Variants in PSIP1 observed in about 807,000 individuals in gnomAD.
The protein encoded by PSIP1 is PC4 and SFRS1-interacting protein.
Under a neutral mutation model 74.7 loss-of-function variants are expected in PSIP1, and 19 were observed. The ratio of observed to expected loss-of-function variants is 0.25; its 90% CI spans 0.18 to 0.37. The LOEUF (loss-of-function observed/expected upper bound fraction) is 0.37, where lower values mean the gene tolerates loss of function less well. Among genes scored for constraint, PSIP1 ranks in the 10% least tolerant of loss-of-function variants. The probability of loss-of-function intolerance (pLI) is 1.00; values close to 1 mark genes in which losing one functional copy is unlikely to be tolerated. For missense variants in PSIP1, 601 were observed against 614.3 expected, an observed-to-expected ratio of 0.98 and a Z score of 0.23; for synonymous variants, 222 against 195.3, an observed-to-expected ratio of 1.14 and a Z score of -1.14.
Position 15,506,592 on chromosome 9 carries a change from G to C in PSIP1, c.118C>G (p.Leu40Val). ...TGAGTTCCAAAAAAGAAAATGGGTA[G>C]TTTGTTTGTGGGTGGCTTTACAGCT... Reference protein sequence around the residue: ...DGAVKPPTNKLPIFFFGTHET... With the variant: ...DGAVKPPTNKVPIFFFGTHET... Residue 40 changes from leucine (L) to valine (V), a missense_variant, in exon 3 of 16, where the codon CTA becomes GTA. Leu to Val is a conservative substitution (Grantham distance 32, BLOSUM62 1). This residue lies in a region of PSIP1 where 63 missense variants were observed against 106.7 expected (regional missense o/e 0.59). Transcript: ENST00000380733. The C allele has an allele frequency of 1.2e-6, 2 of 1,613,064 alleles. No homozygotes were observed. The highest frequency in any genetic ancestry group is 1.7e-6 in the Non-Finnish European group (2 of 1,179,220).
At chr9:15,466,531 C>G (rs2035638695) in intron 15 of PSIP1, among the ~76,000 whole-genome samples, 1 of 152,152 alleles carries the variant, frequency 6.6e-6, no homozygotes, top group Admixed American at 6.5e-5. Context: ...AACTGGGTTC[C>G]CAGCTAGTTC....
chr9:15,465,056 T>G lies in PSIP1; in HGVS notation c.*464A>C, dbSNP rs114211035. On this transcript the variant is annotated 3_prime_UTR_variant, in exon 16 of 16. Transcript: ENST00000380733. ...GTACTTGTATAGAAGTAACATTTTATCTACCATAAAAATGTGTAACTTCTA... is the reference window on the plus strand; with the variant it reads ...GTACTTGTATAGAAGTAACATTTTAGCTACCATAAAAATGTGTAACTTCTA... The G allele has an allele frequency of 4.4e-6, 1 of 224,808 alleles. No individual in the cohort carries two copies. The highest frequency in any genetic ancestry group is 8.9e-6 in the Non-Finnish European group (1 of 112,890). The allele number at this position is 224,808 out of a possible 1,614,324, so 13.9% of individuals were successfully genotyped here.
Position 15,468,854 on chromosome 9 carries a change from AAT to A in PSIP1, c.1207-13_1207-12del, listed in dbSNP as rs1563864993. On this transcript the variant is annotated splice_polypyrimidine_tract_variant and intron_variant, in intron 13 of 15. Coordinates refer to ENST00000380733, the MANE Select transcript of PSIP1 (RefSeq NM_033222.5). ...TTTGAATCGCCGTATCTGAGAAAAC[AAT>A]ATACATTCATCATAATTGTTTTCCT... 6.2e-7 allele frequency: 1 copy of A among 1,610,520 alleles called. No homozygotes were observed. Among genetic ancestry groups the A allele is most frequent in the Admixed American group, 1.7e-5 (1 of 59,950 alleles).
chr9:15,469,981 A>G lies in PSIP1; in HGVS notation c.990T>C (p.Asp330=), dbSNP rs771427764. Residue 330 remains aspartate, a synonymous_variant, in exon 11 of 16, where the codon GAT becomes GAC. Transcript: ENST00000380733. ...TCTTAACTTCTGGCTTCTTTCCTTCATCTTTATTCTGCCTATCAAATGTTA... is the reference window on the plus strand; with the variant it reads ...TCTTAACTTCTGGCTTCTTTCCTTCGTCTTTATTCTGCCTATCAAATGTTA... ...EQMETEQQNK[D]EGKKPEVKKV... The G allele has an allele frequency of 1.2e-6, 2 of 1,607,156 alleles. No individual in the cohort carries two copies. The highest frequency in any genetic ancestry group is 1.7e-6 in the Non-Finnish European group (2 of 1,178,092).
At position 15,510,235 on chromosome 9, in the gene PSIP1, A is replaced by G. The variant is rs750975804; in HGVS notation, c.-47T>C. ...GTCCGAAGCCCGGGAGGCGGCGAGG[A>G]GATGCGGCGGCGCGGGGATGCGGGC... On this transcript the variant is annotated 5_prime_UTR_variant, in exon 2 of 16. Transcript: ENST00000380733. 4 of 1,568,978 alleles carry G rather than the reference A, an allele frequency of 2.5e-6. No homozygotes were observed. The highest frequency in any genetic ancestry group is 3.5e-6 in the Non-Finnish European group (4 of 1,154,168).
At chr9:15,471,962 C>G (rs2035852202) in intron 10 of PSIP1, 1 of 974,164 alleles carries the variant, frequency 1.0e-6, no homozygotes, top group Non-Finnish European at 1.2e-6. Context: ...CTAAAGGTAA[C>G]TAGGAAAGCA....
At chr9:15,471,161 A>T in intron 10 of PSIP1, 3 of 1,606,364 alleles carry the variant, frequency 1.9e-6, no homozygotes, top group Non-Finnish European at 2.6e-6. Context: ...TTCTCTTTTC[A>T]GTAACTGGAT....
rs112968510 is a variant in PSIP1 at position 15,470,283 on chromosome 9, T to C, written c.978-290A>G. Among the ~76,000 whole-genome samples, 210 of 152,270 alleles carry C rather than the reference T, an allele frequency of 1.4e-3. 3 individuals are homozygous for C. Among genetic ancestry groups the C allele is most frequent in the African/African-American group, 4.6e-3 (193 of 41,582 alleles). On this transcript the variant is annotated intron_variant, in intron 10 of 15. Transcript: ENST00000380733. Reference sequence around the variant, plus strand: ...GGACAAACAGGCCACAATGGGAAGATGACACCTATAAATGTTTAATGGCTT... The same window carrying C: ...GGACAAACAGGCCACAATGGGAAGACGACACCTATAAATGTTTAATGGCTT...
At position 15,490,129 on chromosome 9, in the gene PSIP1, A is replaced by G. The variant is rs1251554588; in HGVS notation, c.150-5T>C. The G allele has an allele frequency of 4.4e-6, 7 of 1,574,996 alleles. No individual in the cohort carries two copies. Among genetic ancestry groups the G allele is most frequent in the Non-Finnish European group, 6.0e-6 (7 of 1,166,040 alleles). On this transcript the variant is annotated splice_region_variant and splice_polypyrimidine_tract_variant and intron_variant, in intron 3 of 15. Transcript: ENST00000380733. ...TCCTTTGGTCCTAAAAAAGCACTAA[A>G]AAAGAAGTGGGGAAGATGTGAGTGC...
Position 15,468,119 on chromosome 9 carries a change from CT to C in PSIP1, c.1420+510del, listed in dbSNP as rs1414768964. 2.5e-3 allele frequency among the ~76,000 whole-genome samples: 132 copies of C among 52,500 alleles called. 1 individual carries two copies. The highest frequency in any genetic ancestry group is 0.012 in the Admixed American group (42 of 3,634). The allele number at this position is 52,500 out of a possible 152,430, so 34.4% of individuals were successfully genotyped here. A position where few individuals can be genotyped will look rare whatever the true frequency, so the allele number is the denominator to read the frequency against. ...CTGGACAACAAGAGCGAAACTCCATCTTTTAAAAAAAAAAAAAAAAAAGGAC... is the reference window on the plus strand; with the variant it reads ...CTGGACAACAAGAGCGAAACTCCATCTTTAAAAAAAAAAAAAAAAAAGGAC... On this transcript the variant is annotated intron_variant, in intron 14 of 15. Transcript: ENST00000380733.
At chr9:15,466,946 C>A in intron 14 of PSIP1, 87 bp from the exon 15 acceptor site, 2 of 930,564 alleles carry the variant, frequency 2.1e-6, no homozygotes, top group Non-Finnish European at 3.4e-6. Flanking sequence ...AATCAAAATA[C>A]AACATGGCCA....
intron 3 of PSIP1, among the ~76,000 whole-genome samples, chr9:15,496,807 CT>C (rs139597624): frequency 1.3e-5 from 2 of 152,008 alleles, no homozygotes; most frequent in African/African-American, 2.4e-5. Context: ...AATTCGCACA[CT>C]TTTTTTTAGT....
At chr9:15,471,296 G>A in intron 10 of PSIP1, 1 of 1,569,802 alleles carries the variant, frequency 6.4e-7, no homozygotes, top group Non-Finnish European at 8.8e-7. Flanking sequence ...CATCTGAAAT[G>A]CTTTACAGAG....
intron 3 of PSIP1, among the ~76,000 whole-genome samples, chr9:15,502,562 G>A (rs768040337): frequency 6.6e-6 from 1 of 152,172 alleles, no homozygotes; most frequent in Non-Finnish European, 1.5e-5. Flanking sequence ...ACATGTCCCA[G>A]TGTGCCCAAC....
chr9:15,473,890 G>A (rs556624476), intron 9 of PSIP1, 119 bp downstream of exon 9: 5 of 708,962 alleles, frequency 7.1e-6, no homozygotes, highest in Non-Finnish European at 1.0e-5. Flanking sequence ...AACACAGCGA[G>A]ACTCCATCTC....
At chr9:15,488,215 C>A (rs773037147) in intron 4 of PSIP1, among the ~76,000 whole-genome samples, 5 of 151,894 alleles carry the variant, frequency 3.3e-5, no homozygotes, top group African/African-American at 4.8e-5. Flanking sequence ...ACACGTAATC[C>A]CAGCTACTCA....
intron 9 of PSIP1, 71 bp downstream of exon 9, chr9:15,473,938 C>CAAAAAAAAAAA: frequency 1.6e-6 from 1 of 621,496 alleles, no homozygotes; most frequent in Non-Finnish European, 2.2e-6. Flanking sequence ...AAAAAAAAAA[C>CAAAAAAAAAAA]AAAGAAAAAA....
Position 15,485,007 on chromosome 9 carries a change from C to A in PSIP1, c.456+999G>T, listed in dbSNP as rs942567876. On this transcript the variant is annotated intron_variant, in intron 6 of 15. Coordinates refer to ENST00000380733, the MANE Select transcript of PSIP1 (RefSeq NM_033222.5). ...GGTAAGATGGGAAAATCCCTTGAGCCCACAAGTTTCAGGTTGCAGTGAGGC... is the reference window on the plus strand; with the variant it reads ...GGTAAGATGGGAAAATCCCTTGAGCACACAAGTTTCAGGTTGCAGTGAGGC... Among the ~76,000 whole-genome samples the A allele has an allele frequency of 2.7e-4, 41 of 151,998 alleles. 1 individual carries two copies. Among genetic ancestry groups the A allele is most frequent in the African/African-American group, 8.5e-4 (35 of 41,370 alleles).
At chr9:15,476,830 T>C (rs920295320) in intron 8 of PSIP1, among the ~76,000 whole-genome samples, 1 of 152,174 alleles carries the variant, frequency 6.6e-6, no homozygotes, top group African/African-American at 2.4e-5. Context: ...GAGATGAGGA[T>C]AAGTTCCTAA....
Sources: gnomAD v4.1 joint callset for allele counts (sites outside exome capture counted in the v4.1 genomes callset) on GRCh38, gnomAD v4.1.1 for gene constraint, gnomAD v4.1.1 regional missense constraint, MANE v1.5 for transcripts, NCBI Gene and HGNC (gene_info 2026-07-23, HGNC 2026-07-21) for gene names.